CD48: variants seen among roughly 807,000 people sequenced by gnomAD.
CD48 encodes CD48 molecule.
CD48 carries 20 observed loss-of-function variants against 22.0 expected under a neutral mutation model. The ratio of observed to expected loss-of-function variants is 0.91; its 90% CI spans 0.64 to 1.32. The LOEUF (loss-of-function observed/expected upper bound fraction) is 1.32. Among genes scored for constraint, CD48 ranks in the 40% most tolerant of loss-of-function variants. The pLI is 0.00. For missense variants in CD48, 307 were observed against 286.5 expected (o/e 1.07, Z -0.52); for synonymous variants, 110 against 110.1 (o/e 1.00, Z 0.01).
At chr1:160,690,219 A>G (rs1334690979) in intron 1 of CD48, among the ~76,000 whole-genome samples, 2 of 152,186 alleles carry the variant, frequency 1.3e-5, no homozygotes, top group African/African-American at 4.8e-5. Context: ...TTGATATGGA[A>G]GCCCCATAAC....
intron 1 of CD48, 35 bp from the exon 2 acceptor site, chr1:160,685,224 AG>A (rs1352897639): frequency 6.5e-7 from 1 of 1,544,128 alleles, no homozygotes; most frequent in East Asian, 2.3e-5. Flanking sequence ...CCTGCGCTAG[AG>A]GAGGCAGTGT....
intron 3 of CD48, among the ~76,000 whole-genome samples, chr1:160,680,052 A>C (rs1223919528): frequency 2.0e-5 from 3 of 152,194 alleles, no homozygotes; most frequent in Non-Finnish European, 4.4e-5. Context: ...CACATGTGGG[A>C]GTAGAGATAA....
At chr1:160,696,188 A>C (rs79617844) in intron 1 of CD48, among the ~76,000 whole-genome samples, 28 of 152,094 alleles carry the variant, frequency 1.8e-4, no homozygotes, top group Non-Finnish European at 3.2e-4. Context: ...AAAACTCCAT[A>C]TCAATCGGCT....
chr1:160,702,647 G>T (rs1349110719), intron 1 of CD48, among the ~76,000 whole-genome samples: 1 of 152,090 alleles, frequency 6.6e-6, no homozygotes, highest in Non-Finnish European at 1.5e-5. Context: ...CAACTTTTTT[G>T]AATATGACCA....
At chr1:160,694,119 A>T (rs1662323049) in intron 1 of CD48, among the ~76,000 whole-genome samples, 1 of 152,244 alleles carries the variant, frequency 6.6e-6, no homozygotes, top group African/African-American at 2.4e-5. Context: ...GTTGATTCAG[A>T]CTATAAAGGT....
chr1:160,690,222 C>T (rs1397002073), intron 1 of CD48, among the ~76,000 whole-genome samples: 1 of 152,074 alleles, frequency 6.6e-6, no homozygotes, highest in South Asian at 2.1e-4. Flanking sequence ...ATATGGAAGC[C>T]CCATAACTGC....
chr1:160,701,339 T>C (rs940147992), intron 1 of CD48, among the ~76,000 whole-genome samples: 5 of 151,808 alleles, frequency 3.3e-5, no homozygotes, highest in African/African-American at 1.2e-4. Context: ...AGGAGAATTC[T>C]AAGGGGAAAG....
At chr1:160,684,584 T>C in intron 2 of CD48, 1 of 725,898 alleles carries the variant, frequency 1.4e-6, no homozygotes, top group Admixed American at 3.1e-5. Context: ...TGAGCTGAGC[T>C]GATTTAGGTT....
chr1:160,684,116 C>A (rs953612980), intron 2 of CD48: 1 of 152,210 alleles, frequency 6.6e-6, no homozygotes, highest in Non-Finnish European at 1.5e-5. Context: ...TCCACAGATT[C>A]CTGAAGCTAG....
intron 1 of CD48, among the ~76,000 whole-genome samples, chr1:160,709,366 T>A (rs1056889929): frequency 2.6e-5 from 4 of 152,188 alleles, no homozygotes; most frequent in African/African-American, 9.6e-5. Flanking sequence ...TTTTATTTTA[T>A]TTGATCTTAA....
At chr1:160,689,427 C>T (rs1022366540) in intron 1 of CD48, among the ~76,000 whole-genome samples, 3 of 151,980 alleles carry the variant, frequency 2.0e-5, no homozygotes, top group Non-Finnish European at 4.4e-5. Flanking sequence ...TGAGAGGAAA[C>T]TGGTGAGACA....
rs1315616679 is a variant in CD48, at chr1:160,711,655, C to G, written c.82+27G>C. ...ACTGACCATGCCTTCAGTGCACAAT[C>G]ACAGATACACAGTTGGTGGAAAGTA... On this transcript the variant is annotated intron_variant, in intron 1 of 3. Transcript: ENST00000368046. The G allele has an allele frequency of 5.8e-6, 9 of 1,562,990 alleles. No individual in the cohort carries two copies. In the South Asian group the frequency reaches 1.0e-4, roughly 17 times the overall value.
At chr1:160,706,668 C>CA (rs1662804825) in intron 1 of CD48, among the ~76,000 whole-genome samples, 1 of 152,090 alleles carries the variant, frequency 6.6e-6, no homozygotes, top group Non-Finnish European at 1.5e-5. Context: ...GATAAAGTAA[C>CA]AAAGTTGGAT....
At chr1:160,689,208 G>T (rs146269723) in intron 1 of CD48, among the ~76,000 whole-genome samples, 105 of 152,234 alleles carry the variant, frequency 6.9e-4, no homozygotes, top group African/African-American at 2.2e-3. Context: ...AGGCACAGAG[G>T]GGGGTATTTA....
At chr1:160,708,372 CAG>C (rs575473137) in intron 1 of CD48, among the ~76,000 whole-genome samples, 82 of 152,210 alleles carry the variant, frequency 5.4e-4, no homozygotes, top group Middle Eastern at 6.8e-3. Context: ...GTGATGCAAA[CAG>C]AGAACCATTT....
intron 1 of CD48, among the ~76,000 whole-genome samples, chr1:160,700,074 C>T (rs1205712019): frequency 6.6e-6 from 1 of 152,092 alleles, no homozygotes; most frequent in Non-Finnish European, 1.5e-5. Context: ...CAGCAATTAA[C>T]TCCGCCTTTT....
At chr1:160,680,673 G>C in intron 3 of CD48, 1 of 1,011,934 alleles carries the variant, frequency 9.9e-7, no homozygotes, top group East Asian at 9.4e-5. Flanking sequence ...ATCAGGCTGG[G>C]GAGGAGAAGC....
Position 160,678,966 on chromosome 1 carries a change from A to T in CD48, c.*86T>A. 1.0e-6 allele frequency: 1 copy of T among 966,806 alleles called. No individual in the cohort carries two copies. The highest frequency in any genetic ancestry group is 1.7e-6 in the Non-Finnish European group (1 of 592,266). 59.9% of individuals were successfully genotyped at this position (966,806 alleles called of 1,614,324 possible). Reference sequence around the variant, plus strand: ...AGCAGCATGCTTCTGGTCAGCCTATACAGTCTCTGTCCTGGTGAGGAGCAT... The same window carrying T: ...AGCAGCATGCTTCTGGTCAGCCTATTCAGTCTCTGTCCTGGTGAGGAGCAT... On this transcript the variant is annotated 3_prime_UTR_variant, in exon 4 of 4. Coordinates refer to ENST00000368046, the MANE Select transcript of CD48 (RefSeq NM_001778.4).
intron 1 of CD48, among the ~76,000 whole-genome samples, chr1:160,693,532 T>C (rs1385066504): frequency 1.3e-5 from 2 of 152,304 alleles, no homozygotes; most frequent in Non-Finnish European, 2.9e-5. Flanking sequence ...GTTATAATTG[T>C]GGTCAAATTG....
Sources: allele counts gnomAD v4.1 joint callset (sites outside exome capture counted in the v4.1 genomes callset), GRCh38; gene constraint gnomAD v4.1.1; transcripts MANE v1.5; gene names NCBI Gene and HGNC (gene_info 2026-07-23, HGNC 2026-07-21).